GRM8: variants seen among roughly 807,000 people sequenced by gnomAD.
GRM8 encodes the protein metabotropic glutamate receptor 8.
In GRM8, 47 loss-of-function variants were observed where a neutral mutation model predicts 87.2. That is an observed-to-expected ratio of 0.54 (90% CI 0.43 to 0.69). The LOEUF (loss-of-function observed/expected upper bound fraction) is 0.69, where lower values mean the gene tolerates loss of function less well. Among genes scored for constraint, GRM8 ranks in the 30% least tolerant of loss-of-function variants. GRM8 has a pLI of 0.00. For missense variants in GRM8, 1,019 were observed against 1,139.2 expected, an observed-to-expected ratio of 0.89 and a Z score of 1.52; for synonymous variants, 396 against 404.5, an observed-to-expected ratio of 0.98 and a Z score of 0.25.
At chr7:126,613,687 C>T (rs552782950) in intron 7 of GRM8, among the ~76,000 whole-genome samples, 16 of 152,330 alleles carry the variant, frequency 1.1e-4, no homozygotes, top group African/African-American at 2.4e-4. Flanking sequence ...CTTAATACTG[C>T]GCTTTTCCAA....
chr7:127,014,689 C>A (rs867886260), intron 3 of GRM8, among the ~76,000 whole-genome samples: 29 of 152,102 alleles, frequency 1.9e-4, no homozygotes, highest in Middle Eastern at 3.4e-3. Context: ...GTATAACATT[C>A]AAAATTTGGC....
chr7:126,805,293 A>G (rs895881595), intron 6 of GRM8, among the ~76,000 whole-genome samples: 4 of 152,148 alleles, frequency 2.6e-5, no homozygotes, highest in Admixed American at 6.5e-5. Flanking sequence ...TGGTTAGCCT[A>G]CCTTCAGCTT....
Position 127,123,909 on chromosome 7 carries a change from GA to G in GRM8, c.511-17198del, listed in dbSNP as rs35777603. 4.0e-5 allele frequency among the ~76,000 whole-genome samples: 6 copies of G among 151,830 alleles called. No individual in the cohort carries two copies. The South Asian group carries it at 8.3e-4, about 21-fold the overall frequency. ...CCCTTTCCCTTTCCTTTCGTTACAA[GA>G]AAAAATGTCACCTTTGCTATCTAAA... is the stretch of plus-strand genomic sequence containing the variant. On this transcript the variant is annotated intron_variant, in intron 2 of 10. Coordinates refer to ENST00000339582, the MANE Select transcript of GRM8 (RefSeq NM_000845.3).
At chr7:126,817,787 GAATT>G (rs747776352) in intron 6 of GRM8, among the ~76,000 whole-genome samples, 1 of 152,052 alleles carries the variant, frequency 6.6e-6, no homozygotes, top group Non-Finnish European at 1.5e-5. Context: ...CAATGAAAAA[GAATT>G]AATTTCACTG....
At chr7:126,881,927 G>T (rs1279011154) in intron 6 of GRM8, among the ~76,000 whole-genome samples, 2 of 152,036 alleles carry the variant, frequency 1.3e-5, no homozygotes, top group Non-Finnish European at 2.9e-5. Flanking sequence ...AATAATAAAA[G>T]AATGAGTCAT....
intron 7 of GRM8, among the ~76,000 whole-genome samples, chr7:126,680,141 T>G (rs1807389606): frequency 6.6e-6 from 1 of 152,174 alleles, no homozygotes; most frequent in African/African-American, 2.4e-5. Flanking sequence ...AAAGTCCTTA[T>G]AGCATGAGTG....
chr7:126,803,385 GCC>G (rs1337456518), intron 6 of GRM8, among the ~76,000 whole-genome samples: 1 of 152,236 alleles, frequency 6.6e-6, no homozygotes, highest in African/African-American at 2.4e-5. Flanking sequence ...TACTTACACA[GCC>G]TCCAGCACTT....
At chr7:126,483,413 A>C (rs1806951791) in intron 9 of GRM8, among the ~76,000 whole-genome samples, 1 of 149,256 alleles carries the variant, frequency 6.7e-6, no homozygotes, top group South Asian at 2.1e-4. Flanking sequence ...ACTAAAATAA[A>C]ATTTAATAAA....
At position 126,965,257 on chromosome 7, in the gene GRM8, T is replaced by C. The variant is rs148912189; in HGVS notation, c.728-60574A>G. 1.8e-3 allele frequency among the ~76,000 whole-genome samples: 276 copies of C among 152,204 alleles called. 1 individual carries two copies. The highest frequency in any genetic ancestry group is 6.5e-3 in the African/African-American group (269 of 41,540). ...CAAACCACCATGACACGAATATACT[T>C]ATGTAACAAACCTGCACATTCTGCA... On this transcript the variant is annotated intron_variant, in intron 3 of 10. Transcript: ENST00000339582.
chr7:126,703,866 A>C (rs1422788291), intron 7 of GRM8, among the ~76,000 whole-genome samples: 1 of 152,048 alleles, frequency 6.6e-6, no homozygotes, highest in Non-Finnish European at 1.5e-5. Flanking sequence ...CTGGCCACCA[A>C]AGCACCTCTT....
At chr7:126,677,235 T>G (rs1350362842) in intron 7 of GRM8, among the ~76,000 whole-genome samples, 1 of 151,936 alleles carries the variant, frequency 6.6e-6, no homozygotes, top group African/African-American at 2.4e-5. Context: ...AAGGGAACAC[T>G]TACACACCGG....
intron 6 of GRM8, among the ~76,000 whole-genome samples, chr7:126,877,363 C>T (rs1421888249): frequency 6.6e-6 from 1 of 152,168 alleles, no homozygotes; most frequent in Admixed American, 6.5e-5. Context: ...TGAGCTGGCA[C>T]TCGTCAGATG....
chr7:126,852,802 A>T (rs992326625), intron 6 of GRM8, among the ~76,000 whole-genome samples: 2 of 152,044 alleles, frequency 1.3e-5, no homozygotes, highest in African/African-American at 4.8e-5. Context: ...TTATTTCTGT[A>T]TATTTATTTT....
intron 3 of GRM8, among the ~76,000 whole-genome samples, chr7:127,055,271 A>G (rs1819871347): frequency 6.6e-6 from 1 of 152,184 alleles, no homozygotes; most frequent in African/African-American, 2.4e-5. Flanking sequence ...ATCTTTAAAT[A>G]TTTTTTAGGT....
intron 3 of GRM8, among the ~76,000 whole-genome samples, chr7:126,951,813 A>C (rs370465569): frequency 6.6e-6 from 1 of 152,072 alleles, no homozygotes; most frequent in Admixed American, 6.6e-5. Context: ...TACAGTATTT[A>C]GTATAAATTG....
At chr7:126,607,452 A>G (rs1445518074) in intron 8 of GRM8, among the ~76,000 whole-genome samples, 1 of 134,686 alleles carries the variant, frequency 7.4e-6, no homozygotes, top group East Asian at 2.5e-4. Flanking sequence ...ATTTGGAAAT[A>G]CAAAACAAAA....
intron 6 of GRM8, among the ~76,000 whole-genome samples, chr7:126,855,042 T>C (rs1444788149): frequency 2.6e-5 from 4 of 152,220 alleles, no homozygotes; most frequent in Non-Finnish European, 5.9e-5. Flanking sequence ...TTTTTCCCTG[T>C]TCAGTATAAT....
intron 9 of GRM8, among the ~76,000 whole-genome samples, chr7:126,489,567 A>G (rs547668993): frequency 6.6e-6 from 1 of 152,212 alleles, no homozygotes; most frequent in Admixed American, 6.5e-5. Context: ...AAGACTTTGA[A>G]GACGTATTAC....
At chr7:126,575,274 T>C (rs142510454) in intron 8 of GRM8, among the ~76,000 whole-genome samples, 1,808 of 151,198 alleles carry the variant, frequency 0.012, 36 homozygotes, top group African/African-American at 0.042. Flanking sequence ...ATACTTGTTA[T>C]GAGAATCTAA....
Sources: allele counts gnomAD v4.1 joint callset (sites outside exome capture counted in the v4.1 genomes callset), GRCh38; gene constraint gnomAD v4.1.1; transcripts MANE v1.5; gene names NCBI Gene and HGNC (gene_info 2026-07-23, HGNC 2026-07-21).